The following GRAMD1B variants were observed in gnomAD, a reference collection of about 807,000 sequenced individuals.
GRAMD1B encodes GRAM domain containing 1B.
GRAMD1B carries 37 observed loss-of-function variants against 99.7 expected under a neutral mutation model. The ratio of observed to expected loss-of-function variants is 0.37; its 90% CI spans 0.29 to 0.49. The LOEUF (loss-of-function observed/expected upper bound fraction) is 0.49. Among genes scored for constraint, GRAMD1B ranks in the 20% least tolerant of loss-of-function variants. GRAMD1B has a pLI of 0.98. For missense variants in GRAMD1B, 888 were observed against 1,009.2 expected (o/e 0.88, Z 1.63); for synonymous variants, 427 against 387.6 (o/e 1.10, Z -1.19).
At chr11:123,364,958 G>A (rs1591354966) in intron 1 of GRAMD1B, among the ~76,000 whole-genome samples, 2 of 152,046 alleles carry the variant, frequency 1.3e-5, no homozygotes, top group South Asian at 2.1e-4. Context: ...GAGAATGGCC[G>A]ATAAAAAAAA....
chr11:123,534,889 G>T (rs1265322604), intron 2 of GRAMD1B, among the ~76,000 whole-genome samples: 5 of 151,776 alleles, frequency 3.3e-5, no homozygotes, highest in Admixed American at 3.3e-4. Context: ...ATAATGAGGG[G>T]GTCTCAGGCA....
chr11:123,547,599 C>T (rs1591934207), intron 2 of GRAMD1B, among the ~76,000 whole-genome samples: 1 of 152,222 alleles, frequency 6.6e-6, no homozygotes, highest in African/African-American at 2.4e-5. Context: ...CCTTTCTCCC[C>T]TTTTGCTTCC....
chr11:123,451,686 G>C (rs1022814988), intron 1 of GRAMD1B, among the ~76,000 whole-genome samples: 2 of 152,166 alleles, frequency 1.3e-5, no homozygotes, highest in Admixed American at 6.5e-5. Flanking sequence ...ACATTACACA[G>C]TCAGGCTGCC....
chr11:123,594,300 C>G (rs1330777144), intron 5 of GRAMD1B, 134 bp downstream of exon 5: 2 of 682,660 alleles, frequency 2.9e-6, no homozygotes. Flanking sequence ...CTGTCCAGAC[C>G]CCTGGCCCCA....
chr11:123,588,011 C>A (rs1286626641), intron 4 of GRAMD1B, among the ~76,000 whole-genome samples: 2 of 150,508 alleles, frequency 1.3e-5, no homozygotes, highest in Non-Finnish European at 3.0e-5. Flanking sequence ...CCCAGCCCCA[C>A]CCCTTCTCTA....
rs11407208 is a variant in GRAMD1B, at chr11:123,365,260, C to CTT, written c.-176+6471_-176+6472dup. Among the ~76,000 whole-genome samples the CTT allele has an allele frequency of 2.6e-3, 383 of 147,086 alleles. 3 individuals are homozygous for CTT. The highest frequency in any genetic ancestry group is 9.3e-3 in the African/African-American group (373 of 40,174). Reference sequence around the variant, plus strand: ...CTACATTTTCTTTCTTTCTTTTCTTCTTTTTTTTTTTAACAGCGTCTCACA... The same window carrying CTT: ...CTACATTTTCTTTCTTTCTTTTCTTCTTTTTTTTTTTTTAACAGCGTCTCACA... On this transcript the variant is annotated intron_variant, in intron 1 of 20. Coordinates refer to the GRAMD1B transcript ENST00000638157.
intron 1 of GRAMD1B, among the ~76,000 whole-genome samples, chr11:123,399,977 T>G (rs1203019878): frequency 6.6e-6 from 1 of 152,236 alleles, no homozygotes; most frequent in Non-Finnish European, 1.5e-5. Context: ...TGTTTTGATT[T>G]GAACCTGGTA....
intron 2 of GRAMD1B, among the ~76,000 whole-genome samples, chr11:123,490,469 T>A (rs1350114468): frequency 6.6e-6 from 1 of 152,144 alleles, no homozygotes; most frequent in African/African-American, 2.4e-5. Flanking sequence ...GATTTGCTTA[T>A]GAAAAAATTG....
At chr11:123,390,635 A>G (rs946665326) in intron 1 of GRAMD1B, among the ~76,000 whole-genome samples, 6 of 152,348 alleles carry the variant, frequency 3.9e-5, no homozygotes, top group African/African-American at 1.2e-4. Context: ...ATATATGTCA[A>G]ATACAACCTT....
intron 2 of GRAMD1B, among the ~76,000 whole-genome samples, chr11:123,541,131 GC>G (rs1463978051): frequency 6.6e-6 from 1 of 151,950 alleles, no homozygotes; most frequent in Non-Finnish European, 1.5e-5. Context: ...GTGCCACCAC[GC>G]CCTGCTAGTT....
Position 123,431,158 on chromosome 11 carries a change from T to TGAAAGCAGGTAC in GRAMD1B, c.368_374+5dup. ...GGGTGAGGGAGCGGAAGGAGTGCAG[T>TGAAAGCAGGTAC]GAAAGCAGGTACGTCCCCGTTCCGC... On this transcript the variant is annotated inframe_insertion, in exon 1 of 20. Transcript: ENST00000635736. 1.4e-6 allele frequency: 1 copy of TGAAAGCAGGTAC among 701,486 alleles called. No individual in the cohort carries two copies. Among genetic ancestry groups the TGAAAGCAGGTAC allele is most frequent in the Non-Finnish European group, 2.6e-6 (1 of 384,126 alleles). The allele number at this position is 701,486 out of a possible 1,614,324, so 43.5% of individuals were successfully genotyped here. A position where few individuals can be genotyped will look rare whatever the true frequency, so the allele number is the denominator to read the frequency against.
intron 2 of GRAMD1B, among the ~76,000 whole-genome samples, chr11:123,512,295 G>A (rs1049967428): frequency 6.6e-6 from 1 of 152,196 alleles, no homozygotes; most frequent in Non-Finnish European, 1.5e-5. Flanking sequence ...AGCTCTTGAG[G>A]TTGTAGGTGG....
intron 2 of GRAMD1B, among the ~76,000 whole-genome samples, chr11:123,521,540 T>C (rs1942196038): frequency 6.6e-6 from 1 of 152,224 alleles, no homozygotes; most frequent in Non-Finnish European, 1.5e-5. Flanking sequence ...TTACTGTGGC[T>C]GAGTCTATCA....
At chr11:123,571,818 G>A (rs143271825) in intron 2 of GRAMD1B, among the ~76,000 whole-genome samples, 606 of 152,106 alleles carry the variant, frequency 4.0e-3, no homozygotes, top group Middle Eastern at 0.014. Flanking sequence ...CCGCCACCCC[G>A]AACATTCTCT....
intron 2 of GRAMD1B, among the ~76,000 whole-genome samples, chr11:123,486,031 A>G (rs1480456855): frequency 6.6e-6 from 1 of 152,162 alleles, no homozygotes; most frequent in Non-Finnish European, 1.5e-5. Context: ...GTGCATTTGT[A>G]AAGTCAATTT....
At chr11:123,566,537 C>T (rs1045242847) in intron 2 of GRAMD1B, among the ~76,000 whole-genome samples, 12 of 152,086 alleles carry the variant, frequency 7.9e-5, no homozygotes, top group Admixed American at 3.9e-4. Flanking sequence ...GAGGCCGAGG[C>T]GGGCAGATCA....
At chr11:123,502,501 A>G (rs1285578197) in intron 2 of GRAMD1B, among the ~76,000 whole-genome samples, 1 of 152,036 alleles carries the variant, frequency 6.6e-6, no homozygotes, top group Non-Finnish European at 1.5e-5. Flanking sequence ...AATTGAAAAT[A>G]CTGTGGCACA....
At chr11:123,467,771 C>T (rs747558051) in intron 1 of GRAMD1B, among the ~76,000 whole-genome samples, 33 of 151,882 alleles carry the variant, frequency 2.2e-4, no homozygotes, top group Non-Finnish European at 4.4e-4. Flanking sequence ...ACATCCAGCA[C>T]GGCCTAGCAG....
At chr11:123,606,184 T>C (rs1952679041) in intron 10 of GRAMD1B, among the ~76,000 whole-genome samples, 1 of 152,232 alleles carries the variant, frequency 6.6e-6, no homozygotes, top group African/African-American at 2.4e-5. Context: ...ATCTTTAAAA[T>C]GTAAAGAGTT....
Sources: gnomAD v4.1 joint callset for allele counts (sites outside exome capture counted in the v4.1 genomes callset) on GRCh38, gnomAD v4.1.1 for gene constraint, MANE v1.5 for transcripts, NCBI Gene and HGNC (gene_info 2026-07-23, HGNC 2026-07-21) for gene names.